TMEM131: variants seen among roughly 807,000 people sequenced by gnomAD.
TMEM131 encodes 2610524E03Rik.
In TMEM131, 66 loss-of-function variants were observed where a neutral mutation model predicts 211.6. The observed-to-expected ratio is 0.31, with a 90% CI of 0.26 to 0.38. TMEM131 has a LOEUF of 0.38. TMEM131 is among the 10% of genes least tolerant of loss of function. The pLI is 1.00. For missense variants in TMEM131, 2,036 were observed against 2,299.3 expected (o/e 0.89, Z 2.34); for synonymous variants, 844 against 841.3 (o/e 1.00, Z -0.06).
chr2:97,910,222 AAAAT>A (rs58836703), intron 2 of TMEM131, among the ~76,000 whole-genome samples: 46,750 of 151,780 alleles, frequency 0.31, 8,455 homozygotes, highest in Non-Finnish European at 0.39. Context: ...TTTTAAAAAG[AAAAT>A]AAGGATCTTT....
intron 1 of TMEM131, among the ~76,000 whole-genome samples, chr2:97,942,639 A>G (rs1054554533): frequency 1.3e-5 from 2 of 152,084 alleles, no homozygotes; most frequent in African/African-American, 4.8e-5. Context: ...AAATGAACAA[A>G]TAACTAGAAA....
intron 2 of TMEM131, among the ~76,000 whole-genome samples, chr2:97,918,239 C>T (rs1356166876): frequency 6.6e-6 from 1 of 152,112 alleles, no homozygotes; most frequent in African/African-American, 2.4e-5. Flanking sequence ...CCACTGCGCC[C>T]GGCCAACATG....
chr2:97,870,658 A>T (rs1343218273), intron 4 of TMEM131, among the ~76,000 whole-genome samples: 2 of 152,250 alleles, frequency 1.3e-5, no homozygotes, highest in East Asian at 3.9e-4. Context: ...CACCACAGAA[A>T]GATGACACTG....
At chr2:97,817,835 ACTCTGAGCACAGATGG>A (rs1313471205) in intron 12 of TMEM131, among the ~76,000 whole-genome samples, 1 of 152,146 alleles carries the variant, frequency 6.6e-6, no homozygotes, top group Non-Finnish European at 1.5e-5. Context: ...TACTATGTGG[ACTCTGAGCACAGATGG>A]CTTTATCATA....
At chr2:97,871,160 G>C (rs1237646523) in intron 4 of TMEM131, among the ~76,000 whole-genome samples, 1 of 152,118 alleles carries the variant, frequency 6.6e-6, no homozygotes, top group Non-Finnish European at 1.5e-5. Flanking sequence ...AAAGATTTTA[G>C]TAAACCAAGT....
At chr2:97,990,439 G>C (rs1382105953) in intron 1 of TMEM131, among the ~76,000 whole-genome samples, 1 of 152,130 alleles carries the variant, frequency 6.6e-6, no homozygotes, top group African/African-American at 2.4e-5. Context: ...GCTCATTTGG[G>C]GTTACATAGT....
At chr2:97,809,173 A>G (rs1000495304) in intron 19 of TMEM131, among the ~76,000 whole-genome samples, 2 of 152,156 alleles carry the variant, frequency 1.3e-5, no homozygotes, top group African/African-American at 4.8e-5. Context: ...AAGTGCATTT[A>G]AGTTTTTTCC....
intron 4 of TMEM131, among the ~76,000 whole-genome samples, chr2:97,863,109 CA>C (rs200143392): frequency 4.0e-5 from 6 of 151,556 alleles, no homozygotes; most frequent in Admixed American, 2.6e-4. Context: ...GCAACAACAA[CA>C]AAAAAAACCC....
At chr2:97,923,634 A>T (rs1676844807) in intron 2 of TMEM131, among the ~76,000 whole-genome samples, 1 of 67,410 alleles carries the variant, frequency 1.5e-5, no homozygotes, top group African/African-American at 6.7e-5. Flanking sequence ...TTTTTAAAAA[A>T]AAAAAAAAAA....
intron 4 of TMEM131, among the ~76,000 whole-genome samples, chr2:97,871,943 G>GC (rs1255906633): frequency 1.3e-5 from 2 of 151,888 alleles, no homozygotes; most frequent in African/African-American, 4.8e-5. Flanking sequence ...ATGGGGTCGG[G>GC]GGGGGAGTGG....
chr2:97,759,142 A>G, intron 39 of TMEM131, 89 bp from the exon 40 acceptor site: 6 of 1,523,382 alleles, frequency 3.9e-6, no homozygotes, highest in Non-Finnish European at 4.5e-6. Flanking sequence ...GCATACCTCC[A>G]ACCACTGCTC....
At chr2:97,932,363 A>G (rs1398179788) in intron 1 of TMEM131, among the ~76,000 whole-genome samples, 1 of 152,166 alleles carries the variant, frequency 6.6e-6, no homozygotes, top group East Asian at 1.9e-4. Flanking sequence ...TATCTGAAAA[A>G]TGTAACATAT....
chr2:97,786,163 T>C (rs1472902561), intron 31 of TMEM131, among the ~76,000 whole-genome samples: 5 of 152,144 alleles, frequency 3.3e-5, no homozygotes, highest in African/African-American at 7.2e-5. Flanking sequence ...TGTGTTACCA[T>C]TGGGAGAAAC....
chr2:97,890,194 G>T (rs1171947240), intron 3 of TMEM131, among the ~76,000 whole-genome samples: 1 of 152,156 alleles, frequency 6.6e-6, no homozygotes, highest in Non-Finnish European at 1.5e-5. Flanking sequence ...TTTGAGCAAG[G>T]AGTAGCATGA....
chr2:97,811,330 T>C, intron 17 of TMEM131, 98 bp from the exon 18 acceptor site: 1 of 823,704 alleles, frequency 1.2e-6, no homozygotes, highest in South Asian at 1.4e-5. Flanking sequence ...GACTAACAAA[T>C]CCTAACATAT....
intron 4 of TMEM131, among the ~76,000 whole-genome samples, chr2:97,862,157 C>T (rs2105187561): frequency 6.6e-6 from 1 of 152,256 alleles, no homozygotes; most frequent in East Asian, 1.9e-4. Context: ...TCTGCAAGAA[C>T]CACAGTGTTG....
chr2:97,961,712 G>A (rs940295886), intron 1 of TMEM131, among the ~76,000 whole-genome samples: 1 of 152,088 alleles, frequency 6.6e-6, no homozygotes, highest in Admixed American at 6.6e-5. Flanking sequence ...ATTGAAAATC[G>A]AAAAACAGAC....
rs556997963 is a variant in TMEM131 at position 97,853,984 on chromosome 2, T to C, written c.483+5320A>G. ...AACTTAGAGGCAGGGTTTGAAAGGA[T>C]TGACTCCAATTTTGAAAGAATTTCT... On this transcript the variant is annotated intron_variant, in intron 5 of 40. Transcript: ENST00000186436. 3.9e-5 allele frequency among the ~76,000 whole-genome samples: 6 copies of C among 152,270 alleles called. No individual in the cohort carries two copies. The East Asian group carries it at 5.8e-4, about 15-fold the overall frequency.
intron 3 of TMEM131, among the ~76,000 whole-genome samples, chr2:97,899,917 T>C (rs940416625): frequency 6.6e-6 from 1 of 152,122 alleles, no homozygotes. Flanking sequence ...TCTCAGCAAT[T>C]TTCAAGTACA....
Sources: allele counts gnomAD v4.1 joint callset (sites outside exome capture counted in the v4.1 genomes callset), GRCh38; gene constraint gnomAD v4.1.1; transcripts MANE v1.5; gene names NCBI Gene and HGNC (gene_info 2026-07-23, HGNC 2026-07-21).